The following PTPRD variants were observed in gnomAD, a reference collection of about 807,000 sequenced individuals.
PTPRD encodes protein tyrosine phosphatase receptor type D.
Under a neutral mutation model 214.5 loss-of-function variants are expected in PTPRD, and 34 were observed. The ratio of observed to expected loss-of-function variants is 0.16; its 90% confidence interval spans 0.12 to 0.21. The LOEUF is 0.21. Among genes scored for constraint, PTPRD ranks in the 10% least tolerant of loss-of-function variants. The pLI is 1.00. For synonymous variants in PTPRD, 1,128 were observed against 845.7 expected (o/e 1.33, Z -5.79); for missense variants, 2,545 against 2,398.7 (o/e 1.06, Z -1.27).
intron 7 of PTPRD, among the ~76,000 whole-genome samples, chr9:9,643,706 T>C (rs984716170): frequency 8.5e-5 from 13 of 152,216 alleles, no homozygotes; most frequent in African/African-American, 2.7e-4. Flanking sequence ...TTGTCTGTCA[T>C]AATGATATCG....
At chr9:9,175,307 G>T (rs999789731) in intron 10 of PTPRD, among the ~76,000 whole-genome samples, 1 of 152,054 alleles carries the variant, frequency 6.6e-6, no homozygotes, top group Non-Finnish European at 1.5e-5. Flanking sequence ...GGGCATGTTT[G>T]TCAATCGTAC....
intron 8 of PTPRD, among the ~76,000 whole-genome samples, chr9:9,464,826 C>A (rs987676091): frequency 1.3e-5 from 2 of 152,104 alleles, no homozygotes; most frequent in African/African-American, 4.8e-5. Context: ...TTACCCAGGT[C>A]TTAAAGGTAC....
intron 8 of PTPRD, among the ~76,000 whole-genome samples, chr9:9,480,778 T>C (rs930576819): frequency 3.3e-5 from 5 of 152,060 alleles, no homozygotes; most frequent in Admixed American, 1.3e-4. Context: ...CATCCATCAA[T>C]AATTAGAGAA....
intron 3 of PTPRD, among the ~76,000 whole-genome samples, chr9:10,090,317 T>C (rs1485189426): frequency 6.6e-6 from 1 of 151,580 alleles, no homozygotes; most frequent in Admixed American, 6.6e-5. Flanking sequence ...CAGACTAGCT[T>C]ATTCACCAAG....
Position 10,002,433 on chromosome 9 carries a change from T to C in PTPRD, c.-472+31285A>G, listed in dbSNP as rs529186145. Among the ~76,000 whole-genome samples, 16 of 149,866 alleles carry C rather than the reference T, an allele frequency of 1.1e-4. No homozygotes were observed. In the South Asian group the frequency reaches 2.9e-3, roughly 27 times the overall value. The stretch of plus-strand genomic sequence containing the variant: ...CAACACTTAATCTACCTATATGTTG[T>C]CTAAAAAAGAAACACTAAATTCAAA... On this transcript the variant is annotated intron_variant, in intron 4 of 45. Transcript: ENST00000381196.
chr9:9,727,940 T>C (rs2098121556), intron 7 of PTPRD, among the ~76,000 whole-genome samples: 1 of 152,162 alleles, frequency 6.6e-6, no homozygotes, highest in Non-Finnish European at 1.5e-5. Context: ...CTCAGTCAAA[T>C]CCCATCTTGA....
At chr9:9,508,604 C>G (rs1447411550) in intron 8 of PTPRD, among the ~76,000 whole-genome samples, 1 of 151,488 alleles carries the variant, frequency 6.6e-6, no homozygotes, top group Non-Finnish European at 1.5e-5. Flanking sequence ...CCAACTAAAG[C>G]CCACATTTTA....
intron 2 of PTPRD, among the ~76,000 whole-genome samples, chr9:10,391,781 G>C (rs1359428156): frequency 1.3e-5 from 2 of 151,672 alleles, no homozygotes; most frequent in East Asian, 3.9e-4. Context: ...ATTCCAATGG[G>C]TTCCCATTGC....
rs146423138 is a variant in PTPRD, at chr9:8,674,697, CAT to C, written c.65-37855_65-37854del. On this transcript the variant is annotated intron_variant, in intron 12 of 45. Coordinates refer to ENST00000381196, the MANE Select transcript of PTPRD (RefSeq NM_002839.4). ...TATAAAATCACTTAGCTTGTTAAAA[CAT>C]ATAAAATGTTTGGCTCCCCTGGGCT... 8.3e-3 allele frequency among the ~76,000 whole-genome samples: 1,264 copies of C among 152,158 alleles called. 23 individuals are homozygous for C. Among genetic ancestry groups the C allele is most frequent in the African/African-American group, 0.026 (1,066 of 41,524 alleles).
At chr9:8,387,194 C>T (rs781581209) in intron 37 of PTPRD, among the ~76,000 whole-genome samples, 2 of 152,154 alleles carry the variant, frequency 1.3e-5, no homozygotes, top group Non-Finnish European at 2.9e-5. Flanking sequence ...AGGGAGCAAA[C>T]AGAGGTTCAT....
intron 12 of PTPRD, chr9:8,713,763 G>A: frequency 5.9e-6 from 9 of 1,533,406 alleles, no homozygotes; most frequent in Non-Finnish European, 8.0e-6. Context: ...GCAAGATCAA[G>A]TTCCCGCTGC....
chr9:9,938,156 A>G (rs1461833542), intron 5 of PTPRD, among the ~76,000 whole-genome samples: 1 of 152,144 alleles, frequency 6.6e-6, no homozygotes, highest in Non-Finnish European at 1.5e-5. Context: ...ATGCTTAATG[A>G]TAACTCTGGT....
chr9:8,322,727 G>A (rs567939244), intron 44 of PTPRD, among the ~76,000 whole-genome samples: 90 of 152,182 alleles, frequency 5.9e-4, no homozygotes, highest in African/African-American at 2.1e-3. Flanking sequence ...TGATGAAGGT[G>A]GCTACATTAA....
At chr9:9,195,160 A>T (rs1042373904) in intron 9 of PTPRD, among the ~76,000 whole-genome samples, 8 of 151,370 alleles carry the variant, frequency 5.3e-5, no homozygotes, top group African/African-American at 1.9e-4. Context: ...TAAAACAAAC[A>T]AATTGTTAAG....
At chr9:8,807,546 A>C (rs2096711976) in intron 11 of PTPRD, among the ~76,000 whole-genome samples, 1 of 151,822 alleles carries the variant, frequency 6.6e-6, no homozygotes, top group Non-Finnish European at 1.5e-5. Context: ...AAGTTTCACT[A>C]GTTTTCTGTG....
At chr9:10,260,624 C>T (rs1024526922) in intron 3 of PTPRD, among the ~76,000 whole-genome samples, 1 of 152,144 alleles carries the variant, frequency 6.6e-6, no homozygotes, top group Non-Finnish European at 1.5e-5. Context: ...AATCTGTAGT[C>T]ATGCAGTAGT....
chr9:9,767,447 G>C (rs2098716019), intron 5 of PTPRD, among the ~76,000 whole-genome samples: 2 of 151,850 alleles, frequency 1.3e-5, no homozygotes, highest in Admixed American at 6.6e-5. Context: ...AGAGAAAATA[G>C]AATTGCTGAG....
chr9:9,076,831 GC>G (rs1290053303), intron 10 of PTPRD, among the ~76,000 whole-genome samples: 3 of 146,268 alleles, frequency 2.1e-5, no homozygotes, highest in African/African-American at 7.6e-5. Flanking sequence ...CTGTGGGATT[GC>G]TGGAACATAT....
chr9:8,569,313 C>A (rs976974024), intron 14 of PTPRD, among the ~76,000 whole-genome samples: 3 of 152,072 alleles, frequency 2.0e-5, no homozygotes, highest in South Asian at 4.1e-4. Context: ...CAATGTTACC[C>A]AAATCATATC....
Sources: gnomAD v4.1 joint callset for allele counts (sites outside exome capture counted in the v4.1 genomes callset) on GRCh38, gnomAD v4.1.1 for gene constraint, MANE v1.5 for transcripts, NCBI Gene and HGNC (gene_info 2026-07-23, HGNC 2026-07-21) for gene names.